Variants in PDK1 observed in about 807,000 individuals in gnomAD.
PDK1 encodes pyruvate dehydrogenase kinase 1.
PDK1 carries 39 observed loss-of-function variants against 54.2 expected under a neutral mutation model. That is an observed-to-expected ratio of 0.72 (90% CI 0.56 to 0.94). PDK1 has a LOEUF of 0.94. Ranked by LOEUF, PDK1 falls within the 40% of genes least tolerant of loss-of-function variation. The probability of loss-of-function intolerance (pLI) is 0.00; values close to 1 mark genes in which losing one functional copy is unlikely to be tolerated. For missense variants in PDK1, 552 were observed against 566.0 expected, an observed-to-expected ratio of 0.98 and a Z score of 0.25; for synonymous variants, 221 against 207.1, an observed-to-expected ratio of 1.07 and a Z score of -0.58.
chr2:172,593,698 T>C (rs1164337880), intron 10 of PDK1, among the ~76,000 whole-genome samples: 2 of 152,204 alleles, frequency 1.3e-5, no homozygotes, highest in Non-Finnish European at 2.9e-5. Flanking sequence ...CACAAGTGAC[T>C]CTTGGTAAGC....
chr2:172,665,635 C>A, the PDK1 span, among the ~76,000 whole-genome samples: 1 of 152,274 alleles, frequency 6.6e-6, no homozygotes, highest in Non-Finnish European at 1.5e-5. Flanking sequence ...AGCAGAAGTG[C>A]AATTTGCCTA....
Position 172,564,900 on chromosome 2 carries a change from A to G in PDK1, c.596-78A>G, listed in dbSNP as rs77896071. The G allele has an allele frequency of 1.2e-3, 1,268 of 1,062,768 alleles. 14 individuals carry two copies. In the African/African-American group the frequency reaches 0.017, roughly 14 times the overall value. The allele number at this position is 1,062,768 out of a possible 1,614,324, so 65.8% of individuals were successfully genotyped here. A position where few individuals can be genotyped will look rare whatever the true frequency, so the allele number is the denominator to read the frequency against. On this transcript the variant is annotated intron_variant, in intron 4 of 10. Transcript: ENST00000282077. Reference sequence around the variant, plus strand: ...GAAAATATTTGTTCTGTTTGGTACAATTTAAACAGTATTCAGATTTGGAAA... The same window carrying G: ...GAAAATATTTGTTCTGTTTGGTACAGTTTAAACAGTATTCAGATTTGGAAA...
At chr2:172,700,538 A>G in the PDK1 span, among the ~76,000 whole-genome samples, 2 of 145,418 alleles carry the variant, frequency 1.4e-5, no homozygotes, top group East Asian at 2.1e-4. Flanking sequence ...CCAGGCAGAG[A>G]GGCTCCTCTC....
intron 3 of PDK1, chr2:172,564,086 C>T (rs1688803419): frequency 4.2e-6 from 2 of 472,730 alleles, no homozygotes; most frequent in Non-Finnish European, 8.8e-6. Flanking sequence ...TTTATTGGCT[C>T]ATTCATCTTG....
At chr2:172,591,801 T>G (rs1251248385) in intron 9 of PDK1, among the ~76,000 whole-genome samples, 1 of 152,250 alleles carries the variant, frequency 6.6e-6, no homozygotes, top group Non-Finnish European at 1.5e-5. Flanking sequence ...TTGCTATTAA[T>G]AAGACCTCGT....
the PDK1 span, among the ~76,000 whole-genome samples, chr2:172,615,018 A>G: frequency 6.6e-6 from 1 of 152,204 alleles, no homozygotes; most frequent in Non-Finnish European, 1.5e-5. Flanking sequence ...TTTCTTGGAC[A>G]TAACTTTGCC....
At chr2:172,615,214 T>C in the PDK1 span, among the ~76,000 whole-genome samples, 1 of 152,338 alleles carries the variant, frequency 6.6e-6, no homozygotes. Context: ...ACTGCCAACG[T>C]TGGATTCAAT....
chr2:172,689,402 A>G, the PDK1 span, among the ~76,000 whole-genome samples: 5 of 152,250 alleles, frequency 3.3e-5, no homozygotes, highest in African/African-American at 4.8e-5. Flanking sequence ...AAGACTCAAT[A>G]TCGTGAAAAT....
chr2:172,573,259 T>C (rs947300305), intron 8 of PDK1, among the ~76,000 whole-genome samples: 1 of 152,228 alleles, frequency 6.6e-6, no homozygotes, highest in African/African-American at 2.4e-5. Flanking sequence ...AATTGTAGTC[T>C]GTCTTTTTTA....
At chr2:172,570,557 C>T (rs1375449767) in intron 7 of PDK1, 169 bp from the exon 8 acceptor site, 1 of 473,990 alleles carries the variant, frequency 2.1e-6, no homozygotes, top group East Asian at 3.3e-5. Flanking sequence ...CAAATCCCCC[C>T]CAAATTGACT....
At chr2:172,653,769 G>C in the PDK1 span, among the ~76,000 whole-genome samples, 2 of 152,104 alleles carry the variant, frequency 1.3e-5, no homozygotes, top group Non-Finnish European at 2.9e-5. Context: ...CCAAAATTGA[G>C]AAATGGGATC....
the PDK1 span, among the ~76,000 whole-genome samples, chr2:172,698,311 T>C: frequency 6.6e-6 from 1 of 152,102 alleles, no homozygotes; most frequent in Admixed American, 6.5e-5. Flanking sequence ...CCTCTTCTCA[T>C]GCAAGAAAAT....
chr2:172,609,369 T>A (rs1691392885), downstream of PDK1, among the ~76,000 whole-genome samples: 1 of 152,248 alleles, frequency 6.6e-6, no homozygotes, highest in Non-Finnish European at 1.5e-5. Flanking sequence ...ACAACTGGAC[T>A]TCTTCCTGTT....
At chr2:172,663,701 T>C in the PDK1 span, among the ~76,000 whole-genome samples, 1 of 152,148 alleles carries the variant, frequency 6.6e-6, no homozygotes, top group Non-Finnish European at 1.5e-5. Flanking sequence ...GCTTCTTGGG[T>C]GGAATCTGGG....
the PDK1 span, among the ~76,000 whole-genome samples, chr2:172,710,362 T>C: frequency 1.3e-5 from 2 of 152,252 alleles, no homozygotes; most frequent in Non-Finnish European, 2.9e-5. Context: ...GTACTCTTAA[T>C]ATATTTTTCA....
At chr2:172,569,708 A>T (rs1350377869) in intron 7 of PDK1, among the ~76,000 whole-genome samples, 2 of 152,316 alleles carry the variant, frequency 1.3e-5, no homozygotes, top group Admixed American at 1.3e-4. Flanking sequence ...AATCTTTTTT[A>T]AAATATTTAT....
chr2:172,657,489 G>T, the PDK1 span, among the ~76,000 whole-genome samples: 1 of 139,268 alleles, frequency 7.2e-6, no homozygotes. Flanking sequence ...TTATGTGCAG[G>T]TTGTATTATT....
chr2:172,627,315 A>G, the PDK1 span, among the ~76,000 whole-genome samples: 1 of 152,252 alleles, frequency 6.6e-6, no homozygotes, highest in Non-Finnish European at 1.5e-5. Flanking sequence ...CGTCAGGGAA[A>G]TACTTCAGTG....
the PDK1 span, among the ~76,000 whole-genome samples, chr2:172,626,611 T>C: frequency 6.6e-6 from 1 of 152,118 alleles, no homozygotes; most frequent in Admixed American, 6.6e-5. Context: ...CTGGACAACA[T>C]GGTGAGACCC....
Sources: allele counts gnomAD v4.1 joint callset (sites outside exome capture counted in the v4.1 genomes callset), GRCh38; gene constraint gnomAD v4.1.1; transcripts MANE v1.5; gene names NCBI Gene and HGNC (gene_info 2026-07-23, HGNC 2026-07-21).